Variants in RNASE9 observed in about 807,000 individuals in gnomAD.
RNASE9 encodes ribonuclease A family member 9 (inactive), also known as inactive ribonuclease-like protein 9.
For synonymous variants in RNASE9, 95 were observed against 87.6 expected (o/e 1.08, Z -0.47); for missense variants, 263 against 247.1 (o/e 1.06, Z -0.43).
chr14:20,556,543 T>C, exon 3 of RNASE9: 3 of 1,613,930 alleles, frequency 1.9e-6, no homozygotes, highest in Non-Finnish European at 2.5e-6. Flanking sequence ...AGGAATACGT[T>C]TTTGCATTTC....
intron 1 of RNASE9, chr14:20,560,439 C>T (rs1054819493): frequency 6.6e-6 from 1 of 151,122 alleles, no homozygotes; most frequent in African/African-American, 2.4e-5. Flanking sequence ...ATAGCTGATA[C>T]TTTTCTCTAG....
intron 1 of RNASE9, among the ~76,000 whole-genome samples, chr14:20,560,045 TAAG>T (rs1422046907): frequency 1.3e-5 from 2 of 152,042 alleles, no homozygotes; most frequent in African/African-American, 4.8e-5. Flanking sequence ...ACCACACACA[TAAG>T]AAGTTTATAG....
At chr14:20,558,118 G>T (rs2138858707) in exon 3 of RNASE9, 1 of 277,312 alleles carries the variant, frequency 3.6e-6, no homozygotes, top group Non-Finnish European at 7.0e-6. Context: ...TGACAAATTG[G>T]TCCATGCTCC....
Sources: gnomAD v4.1 joint callset for allele counts (sites outside exome capture counted in the v4.1 genomes callset) on GRCh38, gnomAD v4.1.1 for gene constraint, MANE v1.5 for transcripts, NCBI Gene and HGNC (gene_info 2026-07-23, HGNC 2026-07-21) for gene names.